WDFY4: variants seen among roughly 807,000 people sequenced by gnomAD.
WDFY4 encodes the protein WDFY family member 4, also known as WD repeat- and FYVE domain-containing protein 4.
A neutral mutation model predicts 351.9 loss-of-function variants in WDFY4; 169 were observed. That is an observed-to-expected ratio of 0.48 (90% CI 0.42 to 0.55). WDFY4 has a LOEUF of 0.55. Ranked by LOEUF, WDFY4 falls within the 20% of genes least tolerant of loss-of-function variation. The probability of loss-of-function intolerance (pLI) is 0.00; values close to 1 mark genes in which losing one functional copy is unlikely to be tolerated. For synonymous variants in WDFY4, 1,622 were observed against 1,574.6 expected (o/e 1.03, Z -0.71); for missense variants, 3,803 against 3,935.6 (o/e 0.97, Z 0.90).
chr10:48,932,826 A>C (rs921624135), intron 47 of WDFY4, among the ~76,000 whole-genome samples: 1 of 152,158 alleles, frequency 6.6e-6, no homozygotes, highest in East Asian at 1.9e-4. Context: ...TTTCTGAGAA[A>C]GCGACATCTG....
chr10:48,905,721 G>T (rs1837581097), intron 47 of WDFY4, among the ~76,000 whole-genome samples: 1 of 152,240 alleles, frequency 6.6e-6, no homozygotes, highest in Non-Finnish European at 1.5e-5. Flanking sequence ...CTGACCCTCG[G>T]CTCTGAGGCC....
chr10:48,946,927 G>C lies in WDFY4; in HGVS notation c.7935G>C (p.Leu2645=). ...CGGCCATCATCGTGGCCTCCTACCT[G>C]GTCCGGATGCCACCCTTCACCCAGG... ...YSSAIIVASY[L]VRMPPFTQAF... The change falls in exon 51 of 62, where the codon CTG becomes CTC. Residue 2645 remains leucine, a synonymous_variant. Transcript: ENST00000325239. 6.4e-7 allele frequency: 1 copy of C among 1,551,692 alleles called. No homozygotes were observed. Among genetic ancestry groups the C allele is most frequent in the Non-Finnish European group, 8.7e-7 (1 of 1,147,032 alleles).
chr10:48,704,448 T>A (rs1260619761), intron 1 of WDFY4, among the ~76,000 whole-genome samples: 1 of 150,770 alleles, frequency 6.6e-6, no homozygotes, highest in Admixed American at 6.6e-5. Context: ...CAGGGAGGAG[T>A]GGTCTTGTCT....
At chr10:48,863,409 A>T (rs551528694) in intron 39 of WDFY4, among the ~76,000 whole-genome samples, 1 of 152,210 alleles carries the variant, frequency 6.6e-6, no homozygotes, top group African/African-American at 2.4e-5. Flanking sequence ...TGTATCATTG[A>T]TCTCATTGTG....
intron 40 of WDFY4, 29 bp from the exon 41 acceptor site, chr10:48,873,462 T>C (rs1460852415): frequency 5.3e-6 from 8 of 1,523,222 alleles, no homozygotes; most frequent in South Asian, 5.1e-5. Flanking sequence ...GGCAAATGTA[T>C]CCAGGGTGAC....
Position 48,981,452 on chromosome 10 carries a change from C to T in WDFY4, c.9462C>T (p.Pro3154=), listed in dbSNP as rs755229596. 6 of 1,551,564 alleles carry T rather than the reference C, an allele frequency of 3.9e-6. No individual in the cohort carries two copies. The highest frequency in any genetic ancestry group is 1.4e-5 in the African/African-American group (1 of 73,038). The change falls in exon 61 of 62, where the codon CCC becomes CCT. Residue 3154 remains proline, a synonymous_variant. Transcript: ENST00000325239. ...ALTGKPSKTS[P]AVTALAVSRN... is the part of the protein sequence containing the mutation. ...CAGGGAAGCCCAGCAAAACCAGCCCCGCAGTGACTGCTCTGGCCGTGTCCA... is the reference window on the plus strand; with the variant it reads ...CAGGGAAGCCCAGCAAAACCAGCCCTGCAGTGACTGCTCTGGCCGTGTCCA...
intron 28 of WDFY4, among the ~76,000 whole-genome samples, chr10:48,809,497 T>C (rs1315996393): frequency 1.3e-4 from 16 of 125,696 alleles, no homozygotes; most frequent in African/African-American, 2.8e-4. Context: ...TCATAACCAC[T>C]ACCACCATCA....
At chr10:48,697,347 C>A (rs12784777) in intron 1 of WDFY4, among the ~76,000 whole-genome samples, 8,689 of 152,318 alleles carry the variant, frequency 0.057, 311 homozygotes, top group South Asian at 0.089. Flanking sequence ...GGGTCTTAGC[C>A]TCCCGTGTCT....
Position 48,727,676 on chromosome 10 carries a change from G to A in WDFY4, c.971+17G>A, listed in dbSNP as rs1445870151. On this transcript the variant is annotated intron_variant, in intron 7 of 61. Transcript: ENST00000325239. ...GTTACTTCGGTAAGTGGCTGTGTTT[G>A]GTACGGGGAGAGCACAGGACCACCA... is the stretch of plus-strand genomic sequence containing the variant. 1 of 1,551,158 alleles carries A rather than the reference G, an allele frequency of 6.4e-7. No homozygotes were observed. The highest frequency in any genetic ancestry group is 8.7e-7 in the Non-Finnish European group (1 of 1,146,612).
At chr10:48,754,004 A>T (rs772591222) in intron 12 of WDFY4, among the ~76,000 whole-genome samples, 1 of 151,902 alleles carries the variant, frequency 6.6e-6, no homozygotes, top group East Asian at 1.9e-4. Context: ...AATGCTCTTT[A>T]TGAGTCAAAT....
chr10:48,826,501 G>T (rs1358453199), intron 35 of WDFY4, among the ~76,000 whole-genome samples, 170 bp from the exon 36 acceptor site: 1 of 152,126 alleles, frequency 6.6e-6, no homozygotes, highest in Non-Finnish European at 1.5e-5. Context: ...CTAATTCTGT[G>T]AAGAATATCA....
chr10:48,820,197 G>A (rs373078090), intron 32 of WDFY4, 37 bp from the exon 33 acceptor site: 17 of 1,549,158 alleles, frequency 1.1e-5, no homozygotes, highest in Non-Finnish European at 1.1e-5. Flanking sequence ...CTTGAGGCAG[G>A]GCAGGCCACT....
At chr10:48,875,297 A>T (rs1365816154) in intron 42 of WDFY4, among the ~76,000 whole-genome samples, 157 bp downstream of exon 42, 1 of 152,224 alleles carries the variant, frequency 6.6e-6, no homozygotes, top group Non-Finnish European at 1.5e-5. Flanking sequence ...AGAGAAGACA[A>T]GTCGATTTCA....
At chr10:48,970,015 TGGCATGTCCCCAGTTCCCAA>T in intron 56 of WDFY4, 96 bp from the exon 57 acceptor site, 3 of 1,276,134 alleles carry the variant, frequency 2.4e-6, no homozygotes, top group Non-Finnish European at 3.2e-6. Flanking sequence ...CCTGAACACA[TGGCATGTCCCCAGTTCCCAA>T]GGCACTCAGA....
Position 48,803,363 on chromosome 10 carries a change from G to T in WDFY4, c.4484+4G>T. The T allele has an allele frequency of 6.4e-7, 1 of 1,551,900 alleles. No individual in the cohort carries two copies. The highest frequency in any genetic ancestry group is 1.2e-5 in the South Asian group (1 of 84,060). ...TGGAAATCCTTCAATCACCAAGGTA[G>T]GCTGGGTCTTGGCAGCCTGGGGGTT... On this transcript the variant is annotated splice_donor_region_variant and intron_variant, in intron 25 of 61. Transcript: ENST00000325239.
chr10:48,850,054 C>T (rs1421303156), intron 39 of WDFY4, among the ~76,000 whole-genome samples: 2 of 152,122 alleles, frequency 1.3e-5, no homozygotes, highest in Non-Finnish European at 2.9e-5. Flanking sequence ...AGTGATATGC[C>T]CTTCTTTCCA....
chr10:48,823,138 A>T (rs1436121518), intron 35 of WDFY4: 1 of 1,302,142 alleles, frequency 7.7e-7, no homozygotes, highest in African/African-American at 1.5e-5. Flanking sequence ...AGAATCGTAC[A>T]ATCTCAAAAT....
chr10:48,902,829 G>C (rs749169572), intron 47 of WDFY4, among the ~76,000 whole-genome samples: 1 of 152,102 alleles, frequency 6.6e-6, no homozygotes, highest in African/African-American at 2.4e-5. Flanking sequence ...TTAATACTTG[G>C]CCGGGCGTGG....
At chr10:48,822,090 C>T (rs1468424639) in intron 34 of WDFY4, among the ~76,000 whole-genome samples, 3 of 152,234 alleles carry the variant, frequency 2.0e-5, no homozygotes, top group Admixed American at 1.3e-4. Context: ...TCATTTGTCT[C>T]AAGCAGCACA....
Sources: gnomAD v4.1 joint callset for allele counts (sites outside exome capture counted in the v4.1 genomes callset) on GRCh38, gnomAD v4.1.1 for gene constraint, MANE v1.5 for transcripts, NCBI Gene and HGNC (gene_info 2026-07-23, HGNC 2026-07-21) for gene names.